Variants in CFAP92 observed in about 807,000 individuals in gnomAD.
The protein encoded by CFAP92 is cilia and flagella associated protein 92 (putative).
CFAP92 carries 86 observed loss-of-function variants against 106.3 expected under a neutral mutation model. That is an observed-to-expected ratio of 0.81 (90% CI 0.68 to 0.97). CFAP92 has a LOEUF of 0.97. CFAP92 is among the 50% of genes least tolerant of loss of function. CFAP92 has a pLI of 0.00. For missense variants in CFAP92, 1,204 were observed against 1,283.8 expected (o/e 0.94, Z 0.95); for synonymous variants, 477 against 506.4 (o/e 0.94, Z 0.78).
upstream of CFAP92, among the ~76,000 whole-genome samples, chr3:128,996,041 T>C (rs901859534): frequency 2.6e-5 from 4 of 152,216 alleles, no homozygotes; most frequent in African/African-American, 9.7e-5. Flanking sequence ...CCAGGTCATA[T>C]AAATTCCATC....
chr3:128,965,749 G>A (rs575247510), intron 8 of CFAP92, 54 bp from the exon 9 acceptor site: 207 of 396,740 alleles, frequency 5.2e-4, no homozygotes, highest in Non-Finnish European at 7.5e-4. Context: ...CCCAAGACAC[G>A]CACAGAGGGA....
chr3:129,020,388 G>C, the CFAP92 span, among the ~76,000 whole-genome samples: 1 of 152,178 alleles, frequency 6.6e-6, no homozygotes, highest in East Asian at 1.9e-4. Flanking sequence ...TGTAATCCCA[G>C]CATTTTGGGA....
rs1419532554 is a variant in CFAP92, at chr3:128,915,218, T to G, written c.3181A>C (p.Arg1061=). Residue 1061 remains arginine (R), a synonymous_variant, in exon 15 of 16, where the codon AGG becomes CGG. Coordinates refer to ENST00000645291, the MANE Select transcript of CFAP92 (RefSeq NM_001394090.1). Reference sequence around the variant, plus strand: ...ACGTGGTGCCTGTCCCAGCTCCACCTGTCTCGATCCAACACAGGCTCCAGT... The same window carrying G: ...ACGTGGTGCCTGTCCCAGCTCCACCGGTCTCGATCCAACACAGGCTCCAGT... ...NVLEPVLDRD[R]WSWDRHHVDF... is the part of the protein sequence containing the mutation. 2.6e-6 allele frequency: 4 copies of G among 1,536,058 alleles called. No homozygotes were observed. The highest frequency in any genetic ancestry group is 4.9e-5 in the East Asian group (2 of 40,928).
intron 8 of CFAP92, 106 bp downstream of exon 8, chr3:128,971,181 G>A: frequency 6.4e-7 from 1 of 1,561,398 alleles, no homozygotes; most frequent in Non-Finnish European, 8.7e-7. Context: ...CTGTGAGGAT[G>A]AAATGAGGTG....
chr3:128,968,304 T>C (rs774132489), intron 8 of CFAP92: 6 of 152,236 alleles, frequency 3.9e-5, no homozygotes, highest in Non-Finnish European at 7.3e-5. Context: ...AGAATCTTTC[T>C]AGAATCTTAC....
intron 9 of CFAP92, among the ~76,000 whole-genome samples, chr3:128,946,748 C>G (rs1175889374): frequency 1.3e-5 from 2 of 152,024 alleles, no homozygotes; most frequent in African/African-American, 2.4e-5. Flanking sequence ...TCAAAGAATT[C>G]CCATCAAGAA....
intron 4 of CFAP92, among the ~76,000 whole-genome samples, chr3:128,984,057 C>A (rs1278494887): frequency 2.6e-5 from 4 of 152,154 alleles, no homozygotes; most frequent in Non-Finnish European, 4.4e-5. Context: ...AGGCGGGGGA[C>A]ACCCACTGGG....
chr3:128,965,990 T>C (rs1438673103), intron 8 of CFAP92, among the ~76,000 whole-genome samples: 2 of 152,110 alleles, frequency 1.3e-5, no homozygotes, highest in Non-Finnish European at 2.9e-5. Context: ...TAGGACACAA[T>C]AGGAACACCT....
At position 128,910,239 on chromosome 3, in the gene CFAP92, C is replaced by T. The variant is rs897639119; in HGVS notation, c.*60G>A. ...AGTTGATTGTTGAGGAGGGTGTGGT[C>T]GGGTGTGGGGGAGGCTGTGCAGGTT... On this transcript the variant is annotated 3_prime_UTR_variant, in exon 16 of 16. Transcript: ENST00000645291. The T allele has an allele frequency of 1.6e-5, 25 of 1,590,352 alleles. No individual in the cohort carries two copies. Among genetic ancestry groups the T allele is most frequent in the South Asian group, 5.6e-5 (5 of 88,970 alleles).
chr3:128,989,636 C>T (rs1040485261), intron 2 of CFAP92, among the ~76,000 whole-genome samples: 1 of 152,196 alleles, frequency 6.6e-6, no homozygotes, highest in African/African-American at 2.4e-5. Context: ...ACTGCACACT[C>T]TAGGTTGGGG....
intron 1 of CFAP92, among the ~76,000 whole-genome samples, chr3:128,999,192 CG>C (rs564647011): frequency 2.0e-4 from 31 of 152,204 alleles, no homozygotes; most frequent in Non-Finnish European, 4.3e-4. Flanking sequence ...TACAAAAGAA[CG>C]CAAGGAGACC....
chr3:128,948,035 GAC>G (rs768070213), intron 9 of CFAP92, among the ~76,000 whole-genome samples: 3 of 152,210 alleles, frequency 2.0e-5, no homozygotes, highest in East Asian at 1.9e-4. Flanking sequence ...CTCTGCAAAA[GAC>G]ACTGTAAAGA....
At chr3:129,016,534 G>A in the CFAP92 span, among the ~76,000 whole-genome samples, 5,942 of 150,254 alleles carry the variant, frequency 0.04, 300 homozygotes, top group African/African-American at 0.11. Context: ...CCCATAAGCC[G>A]TGCCCGTGAG....
At chr3:129,009,961 C>T in the CFAP92 span, among the ~76,000 whole-genome samples, 2,271 of 152,342 alleles carry the variant, frequency 0.015, 28 homozygotes, top group Middle Eastern at 0.051. Flanking sequence ...AGGTTCTGTC[C>T]GTAGCTGGGA....
intron 4 of CFAP92, among the ~76,000 whole-genome samples, chr3:128,980,563 G>A (rs577478304): frequency 8.5e-4 from 130 of 152,138 alleles, no homozygotes; most frequent in African/African-American, 2.3e-3. Flanking sequence ...TGTAGCATGT[G>A]AAGCTGTTTC....
intron 12 of CFAP92, among the ~76,000 whole-genome samples, chr3:128,923,091 G>C (rs574452587): frequency 6.6e-6 from 1 of 152,364 alleles, no homozygotes; most frequent in Admixed American, 6.5e-5. Flanking sequence ...AGCCACAAAA[G>C]TTTTTGCTTC....
Position 128,975,426 on chromosome 3 carries a change from GGGATGGATGGATGGATGGAT to G in CFAP92, c.1021+333_1021+352del, listed in dbSNP as rs142490124. Among the ~76,000 whole-genome samples the G allele has an allele frequency of 3.2e-4, 48 of 149,060 alleles. No homozygotes were observed. The East Asian group carries it at 5.7e-3, about 18-fold the overall frequency. On this transcript the variant is annotated intron_variant, in intron 7 of 15. Transcript: ENST00000645291. ...ATGGATGGATGGAGATGGATGGATA[GGGATGGATGGATGGATGGAT>G]GGATGGATGGATGGATGGATGGATG...
At chr3:128,991,280 G>A (rs1031517925) in intron 2 of CFAP92, among the ~76,000 whole-genome samples, 6 of 152,128 alleles carry the variant, frequency 3.9e-5, no homozygotes, top group African/African-American at 1.4e-4. Context: ...ATTTTAGACA[G>A]GAATGGTCAC....
chr3:128,945,496 G>A lies in CFAP92; in HGVS notation c.1833C>T (p.Pro611=), dbSNP rs1940122031. Residue 611 remains proline, a synonymous_variant, in exon 10 of 16, where the codon CCC becomes CCT. Transcript: ENST00000645291. The part of the protein sequence containing the change: ...RRRKVVGLGV[P]RDGHQHGPMP... ...TTGGGCCGTGCTGGTGGCCATCTCT[G>A]GGGACCCCAAGCCCCACAACCTTCC... The A allele has an allele frequency of 3.3e-6, 5 of 1,536,126 alleles. No individual in the cohort carries two copies. Among genetic ancestry groups the A allele is most frequent in the Non-Finnish European group, 4.4e-6 (5 of 1,146,914 alleles).
Sources: allele counts gnomAD v4.1 joint callset (sites outside exome capture counted in the v4.1 genomes callset), GRCh38; gene constraint gnomAD v4.1.1; transcripts MANE v1.5; gene names NCBI Gene and HGNC (gene_info 2026-07-23, HGNC 2026-07-21).